NELL1: variants seen among roughly 807,000 people sequenced by gnomAD.
The protein encoded by NELL1 is neural EGFL like 1.
In NELL1, 76 loss-of-function variants were observed where a neutral mutation model predicts 107.4. The ratio of observed to expected loss-of-function variants is 0.71; its 90% CI spans 0.59 to 0.86. The LOEUF (loss-of-function observed/expected upper bound fraction) is 0.86. Ranked by LOEUF, NELL1 falls within the 40% of genes least tolerant of loss-of-function variation. The pLI is 0.00. For missense variants in NELL1, 1,024 were observed against 1,005.5 expected (o/e 1.02, Z -0.25); for synonymous variants, 353 against 341.2 (o/e 1.03, Z -0.38).
intron 15 of NELL1, among the ~76,000 whole-genome samples, chr11:21,524,293 G>T (rs1855796742): frequency 6.6e-6 from 1 of 152,034 alleles, no homozygotes; most frequent in Admixed American, 6.6e-5. Flanking sequence ...AAGATCAAAT[G>T]GAGTTGTGAA....
chr11:21,388,423 T>G (rs17305393), intron 15 of NELL1, among the ~76,000 whole-genome samples: 9,771 of 151,906 alleles, frequency 0.064, 421 homozygotes, highest in Middle Eastern at 0.11. Flanking sequence ...GGGTACAAAC[T>G]GTTATCTAGA....
At chr11:21,489,292 T>C (rs1483205913) in intron 15 of NELL1, among the ~76,000 whole-genome samples, 1 of 137,166 alleles carries the variant, frequency 7.3e-6, no homozygotes, top group Admixed American at 8.3e-5. Flanking sequence ...ATATAAAGTC[T>C]CCTAACAAAA....
At chr11:20,896,561 T>C (rs1016675434) in intron 5 of NELL1, among the ~76,000 whole-genome samples, 10 of 152,194 alleles carry the variant, frequency 6.6e-5, no homozygotes, top group African/African-American at 2.2e-4. Context: ...CTGTTTTCCA[T>C]AGGGGTTAAT....
chr11:21,173,125 C>T (rs1856641442), intron 13 of NELL1, among the ~76,000 whole-genome samples: 1 of 151,726 alleles, frequency 6.6e-6, no homozygotes, highest in Non-Finnish European at 1.5e-5. Context: ...ACTGGACTTG[C>T]AAAAATTTGA....
At chr11:20,989,996 C>CAAA (rs35612589) in intron 12 of NELL1, among the ~76,000 whole-genome samples, 3,432 of 114,816 alleles carry the variant, frequency 0.03, 143 homozygotes, top group African/African-American at 0.1. Flanking sequence ...GACTCCGTCT[C>CAAA]AAAAAAAAAA....
chr11:20,815,539 A>G (rs1466560520), intron 3 of NELL1, among the ~76,000 whole-genome samples: 1 of 152,094 alleles, frequency 6.6e-6, no homozygotes, highest in Non-Finnish European at 1.5e-5. Context: ...AGTCCCTTGT[A>G]GATTGTAGTT....
intron 15 of NELL1, among the ~76,000 whole-genome samples, chr11:21,495,885 T>G (rs1854964421): frequency 6.6e-6 from 1 of 151,764 alleles, no homozygotes; most frequent in South Asian, 2.1e-4. Flanking sequence ...CATACTATAT[T>G]AATATTTTAT....
chr11:20,892,787 G>A (rs1849643496), intron 5 of NELL1, among the ~76,000 whole-genome samples: 1 of 152,116 alleles, frequency 6.6e-6, no homozygotes, highest in Admixed American at 6.5e-5. Flanking sequence ...AACTTAGCCG[G>A]GTGTGGCGGC....
At chr11:20,899,392 A>G (rs1849822760) in intron 5 of NELL1, among the ~76,000 whole-genome samples, 1 of 152,180 alleles carries the variant, frequency 6.6e-6, no homozygotes, top group African/African-American at 2.4e-5. Flanking sequence ...AAAGTAACTA[A>G]TCAGTCTGGG....
At position 20,804,780 on chromosome 11, in the gene NELL1, TA is replaced by T. The variant is rs111806032; in HGVS notation, c.335+20955del. Among the ~76,000 whole-genome samples, 1,034 of 152,328 alleles carry T rather than the reference TA, an allele frequency of 6.8e-3. 12 individuals are homozygous for T. The highest frequency in any genetic ancestry group is 0.024 in the African/African-American group (989 of 41,570). ...TGCAGCCTTTGGATGAAATGTTCTG[TA>T]AAAATCTATTAGGTCTATTTGGTCT... On this transcript the variant is annotated intron_variant, in intron 3 of 19. Transcript: ENST00000357134.
intron 16 of NELL1, among the ~76,000 whole-genome samples, chr11:21,542,762 T>C (rs780030024): frequency 2.6e-5 from 4 of 152,076 alleles, no homozygotes; most frequent in Admixed American, 6.6e-5. Context: ...TACTTATTTA[T>C]TATGCACTGC....
chr11:21,487,102 A>C (rs1434634921), intron 15 of NELL1, among the ~76,000 whole-genome samples: 1 of 152,192 alleles, frequency 6.6e-6, no homozygotes, highest in Non-Finnish European at 1.5e-5. Context: ...AGATATCCAG[A>C]TATAGGAAGA....
At chr11:20,986,778 G>A (rs1404477867) in intron 12 of NELL1, among the ~76,000 whole-genome samples, 1 of 151,324 alleles carries the variant, frequency 6.6e-6, no homozygotes, top group Admixed American at 6.6e-5. Flanking sequence ...GTCAATATTT[G>A]TATCATTGTA....
At chr11:21,141,851 C>T (rs1053550706) in intron 13 of NELL1, among the ~76,000 whole-genome samples, 1 of 151,998 alleles carries the variant, frequency 6.6e-6, no homozygotes, top group Non-Finnish European at 1.5e-5. Flanking sequence ...GCAACCTCCA[C>T]CTCCTGGGTT....
At position 21,077,730 on chromosome 11, in the gene NELL1, G is replaced by A. The variant is rs1451879929; in HGVS notation, c.1301-35859G>A. 8.2e-5 allele frequency among the ~76,000 whole-genome samples: 12 copies of A among 145,748 alleles called. No individual in the cohort carries two copies. In the Middle Eastern group the frequency reaches 0.01, roughly 127 times the overall value. On this transcript the variant is annotated intron_variant, in intron 12 of 19. Coordinates refer to ENST00000357134, the MANE Select transcript of NELL1 (RefSeq NM_006157.5). ...CGCACTTCAGCCTGGGCGACAGAGT[G>A]AGACTCTGTCTCAGGAAAAAAAAAA...
intron 9 of NELL1, among the ~76,000 whole-genome samples, chr11:20,935,428 G>A (rs181282670): frequency 7.3e-4 from 111 of 152,228 alleles, no homozygotes; most frequent in Middle Eastern, 3.4e-3. Flanking sequence ...TGTAAGGCCC[G>A]GAAGTGAGAG....
chr11:21,411,995 TG>T (rs1852390217), intron 15 of NELL1, among the ~76,000 whole-genome samples: 1 of 152,086 alleles, frequency 6.6e-6, no homozygotes, highest in African/African-American at 2.4e-5. Flanking sequence ...CCTAGACTTT[TG>T]TGTGTGAGTT....
chr11:20,675,137 A>C (rs1487896994), intron 1 of NELL1, among the ~76,000 whole-genome samples: 1 of 152,192 alleles, frequency 6.6e-6, no homozygotes, highest in Admixed American at 6.5e-5. Flanking sequence ...GTAGACGAGA[A>C]CAAACCCCAC....
At chr11:21,089,449 A>G (rs1368676685) in intron 12 of NELL1, among the ~76,000 whole-genome samples, 2 of 152,204 alleles carry the variant, frequency 1.3e-5, no homozygotes, top group African/African-American at 4.8e-5. Flanking sequence ...TCTCTCTTTG[A>G]ATGGTTTCTT....
Sources: gnomAD v4.1 joint callset for allele counts (sites outside exome capture counted in the v4.1 genomes callset) on GRCh38, gnomAD v4.1.1 for gene constraint, MANE v1.5 for transcripts, NCBI Gene and HGNC (gene_info 2026-07-23, HGNC 2026-07-21) for gene names.